Variants in LRRC58 observed in about 807,000 individuals in gnomAD.
LRRC58 encodes the protein leucine-rich repeat-containing protein 58.
In LRRC58, 18 loss-of-function variants were observed where a neutral mutation model predicts 30.6. That is an observed-to-expected ratio of 0.59 (90% CI 0.41 to 0.87). The LOEUF is 0.87. LRRC58 is among the 40% of genes least tolerant of loss of function. The pLI is 0.00. For missense variants in LRRC58, 420 were observed against 468.4 expected (o/e 0.90, Z 0.95); for synonymous variants, 221 against 206.0 (o/e 1.07, Z -0.62).
rs1437352431 is a variant in LRRC58 at position 120,327,427 on chromosome 3, T to G, written c.*3773A>C. On this transcript the variant is annotated 3_prime_UTR_variant, in exon 4 of 4. Transcript: ENST00000295628. Reference sequence around the variant, plus strand: ...CCATCACGCCCGGCTAATTTTTTTTTGTATTTTTAGTAGAGACGGGGTTTC... The same window carrying G: ...CCATCACGCCCGGCTAATTTTTTTTGGTATTTTTAGTAGAGACGGGGTTTC... 6.6e-6 allele frequency: 1 copy of G among 151,056 alleles called. No homozygotes were observed. Among genetic ancestry groups the G allele is most frequent in the Non-Finnish European group, 1.5e-5 (1 of 67,826 alleles). The allele number at this position is 151,056 out of a possible 1,614,324, so 9.4% of individuals were successfully genotyped here.
At chr3:120,348,206 A>T (rs1935999446) in intron 1 of LRRC58, among the ~76,000 whole-genome samples, 1 of 152,244 alleles carries the variant, frequency 6.6e-6, no homozygotes, top group Non-Finnish European at 1.5e-5. Context: ...TCCATTCAAC[A>T]CATACTGAGT....
rs1038219484 is a variant in LRRC58 at position 120,328,972 on chromosome 3, G to C, written c.*2228C>G. On this transcript the variant is annotated 3_prime_UTR_variant, in exon 4 of 4. Transcript: ENST00000295628. ...CAAAGGCCAGAAACTGTCTCTGGTT[G>C]GACCTATTTACATCTGTAAAAGATG... The C allele has an allele frequency of 2.0e-5, 3 of 152,080 alleles. No homozygotes were observed. Among genetic ancestry groups the C allele is most frequent in the African/African-American group, 7.2e-5 (3 of 41,410 alleles). 9.4% of individuals were successfully genotyped at this position (152,080 alleles called of 1,614,324 possible). A position where few individuals can be genotyped will look rare whatever the true frequency, so the allele number is the denominator to read the frequency against.
intron 1 of LRRC58, among the ~76,000 whole-genome samples, chr3:120,348,388 C>G (rs1271880906): frequency 1.3e-5 from 2 of 152,168 alleles, no homozygotes; most frequent in East Asian, 3.9e-4. Context: ...GTACTTTGAT[C>G]TATAGAGATG....
chr3:120,337,702 T>G (rs1372168685), intron 1 of LRRC58, among the ~76,000 whole-genome samples: 1 of 152,192 alleles, frequency 6.6e-6, no homozygotes, highest in Admixed American at 6.5e-5. Context: ...AAACATGATT[T>G]TCCTTCTTCC....
intron 1 of LRRC58, among the ~76,000 whole-genome samples, chr3:120,340,668 G>T (rs1363914442): frequency 2.6e-5 from 4 of 152,076 alleles, no homozygotes; most frequent in African/African-American, 9.7e-5. Flanking sequence ...GAGGTCACGA[G>T]TTCGAGACCA....
rs1235060701 is a variant in LRRC58, at chr3:120,349,071, G to A, written c.173C>T (p.Ser58Leu). The A allele has an allele frequency of 1.3e-6, 2 of 1,517,552 alleles. No individual in the cohort carries two copies. The highest frequency in any genetic ancestry group is 8.8e-7 in the Non-Finnish European group (1 of 1,141,288). The allele number at this position is 1,517,552 out of a possible 1,614,324, so 94.0% of individuals were successfully genotyped here. ...GCCGCTGCCCAGCGCCCGTGGCAGCGACACCAGACGGTTGTGAGGCAGCAG... is the reference window on the plus strand; with the variant it reads ...GCCGCTGCCCAGCGCCCGTGGCAGCAACACCAGACGGTTGTGAGGCAGCAG... ...RLLLPHNRLV[S>L]LPRALGSGFP... Residue 58 changes from serine to leucine, a missense_variant, in exon 1 of 4, where the codon TCG becomes TTG. Ser to Leu is a moderately radical substitution (Grantham distance 145). Around this residue, in one of 2 missense-constraint regions of LRRC58, gnomAD observed 266 missense variants for 251.7 expected, o/e 1.06. Coordinates refer to ENST00000295628, the MANE Select transcript of LRRC58 (RefSeq NM_001099678.2).
intron 2 of LRRC58, 108 bp downstream of exon 2, chr3:120,335,717 T>C (rs1039218337): frequency 2.0e-6 from 2 of 985,642 alleles, no homozygotes; most frequent in Non-Finnish European, 2.9e-6. Context: ...ATCACTTACT[T>C]TGAGAATATC....
At chr3:120,335,258 G>A in intron 2 of LRRC58, 119 bp from the exon 3 acceptor site, 2 of 815,120 alleles carry the variant, frequency 2.5e-6, no homozygotes, top group Non-Finnish European at 3.7e-6. Context: ...TAAGATTAAG[G>A]TCAATTGAAG....
chr3:120,341,807 G>A (rs916256679), intron 1 of LRRC58, among the ~76,000 whole-genome samples: 3 of 151,904 alleles, frequency 2.0e-5, no homozygotes, highest in African/African-American at 7.2e-5. Flanking sequence ...ACCTGCAGCT[G>A]CAGACCCAGG....
chr3:120,327,323 C>T lies in LRRC58; in HGVS notation c.*3877G>A, dbSNP rs1935693370. On this transcript the variant is annotated 3_prime_UTR_variant, in exon 4 of 4. Coordinates refer to ENST00000295628, the MANE Select transcript of LRRC58 (RefSeq NM_001099678.2). ...CGGGAGTGCAGTGGCGCAATCTCGG[C>T]TCACTGCAAGCTCCGCCTCCCGGGT... is the stretch of plus-strand genomic sequence containing the variant. 7.1e-6 allele frequency: 1 copy of T among 140,980 alleles called. No individual in the cohort carries two copies. The highest frequency in any genetic ancestry group is 1.5e-5 in the Non-Finnish European group (1 of 66,458). The allele number at this position is 140,980 out of a possible 1,614,324, so 8.7% of individuals were successfully genotyped here.
intron 1 of LRRC58, among the ~76,000 whole-genome samples, chr3:120,346,789 T>C (rs1400356289): frequency 1.3e-5 from 2 of 152,194 alleles, no homozygotes; most frequent in Non-Finnish European, 2.9e-5. Context: ...CTCATCCTAT[T>C]ACAATGACCT....
chr3:120,346,040 G>A (rs1388855991), intron 1 of LRRC58, among the ~76,000 whole-genome samples: 1 of 152,144 alleles, frequency 6.6e-6, no homozygotes, highest in Non-Finnish European at 1.5e-5. Context: ...ATCACTTGAG[G>A]TCAGAAGTTT....
At position 120,349,057 on chromosome 3, in the gene LRRC58, G is replaced by C; in HGVS notation, c.187C>G (p.Leu63Val). 1 of 1,518,140 alleles carries C rather than the reference G, an allele frequency of 6.6e-7. No homozygotes were observed. Among genetic ancestry groups the C allele is most frequent in the African/African-American group, 1.4e-5 (1 of 69,876 alleles). 94.0% of individuals were successfully genotyped at this position (1,518,140 alleles called of 1,614,324 possible). A position where few individuals can be genotyped will look rare whatever the true frequency, so the allele number is the denominator to read the frequency against. ...TGGAGGTGCGGGAAGCCGCTGCCCA[G>C]CGCCCGTGGCAGCGACACCAGACGG... Reference protein sequence around the residue: ...HNRLVSLPRALGSGFPHLQLL... With the variant: ...HNRLVSLPRAVGSGFPHLQLL... The change falls in exon 1 of 4, where the codon CTG becomes GTG. Residue 63 changes from leucine (L) to valine (V), a missense_variant. Leu to Val is a conservative substitution (Grantham distance 32). This residue lies in a region of LRRC58 where 266 missense variants were observed against 251.7 expected (regional missense o/e 1.06). Transcript: ENST00000295628.
At chr3:120,333,393 G>A (rs1413466359) in intron 3 of LRRC58, among the ~76,000 whole-genome samples, 1 of 152,238 alleles carries the variant, frequency 6.6e-6, no homozygotes, top group Non-Finnish European at 1.5e-5. Context: ...CTCTGTCACT[G>A]TGAAAGCTAA....
rs879685808 is a variant in LRRC58 at position 120,330,934 on chromosome 3, A to G, written c.*266T>C. 4.5e-6 allele frequency: 2 copies of G among 440,210 alleles called. No homozygotes were observed. The highest frequency in any genetic ancestry group is 8.3e-6 in the Non-Finnish European group (2 of 239,866). The allele number at this position is 440,210 out of a possible 1,614,324, so 27.3% of individuals were successfully genotyped here. On this transcript the variant is annotated 3_prime_UTR_variant, in exon 4 of 4. Coordinates refer to ENST00000295628, the MANE Select transcript of LRRC58 (RefSeq NM_001099678.2). ...TCAAAAGGTACCATTCTGCTTTGTG[A>G]TTCATGCAAAACTTGAGTGAAAACT...
intron 1 of LRRC58, among the ~76,000 whole-genome samples, chr3:120,339,354 AT>A (rs1935874520): frequency 6.6e-6 from 1 of 152,110 alleles, no homozygotes; most frequent in African/African-American, 2.4e-5. Context: ...AATTTATTTT[AT>A]TTCCAATCAG....
At position 120,347,516 on chromosome 3, in the gene LRRC58, C is replaced by T. The variant is rs373667188; in HGVS notation, c.500+1228G>A. Among the ~76,000 whole-genome samples, 20 of 149,384 alleles carry T rather than the reference C, an allele frequency of 1.3e-4. No homozygotes were observed. The East Asian group carries it at 1.6e-3, about 12-fold the overall frequency. On this transcript the variant is annotated intron_variant, in intron 1 of 3. Transcript: ENST00000295628. ...ACGCCATTCTCCTGCCTCAGCCTCCCGAGTAGCTGGGACTACAGGCGCCCG... is the reference window on the plus strand; with the variant it reads ...ACGCCATTCTCCTGCCTCAGCCTCCTGAGTAGCTGGGACTACAGGCGCCCG...
In LRRC58 at chr3:120,329,909, T is replaced by G. The variant is rs1039758032; in HGVS notation, c.*1291A>C. On this transcript the variant is annotated 3_prime_UTR_variant, in exon 4 of 4. Transcript: ENST00000295628. ...TACTTAATAAAAATTTGGTAATTTC[T>G]AATAGCAATTAATTTGTGAAACTAT... 1 of 152,036 alleles carries G rather than the reference T, an allele frequency of 6.6e-6. No homozygotes were observed. Among genetic ancestry groups the G allele is most frequent in the Non-Finnish European group, 1.5e-5 (1 of 67,912 alleles). The allele number at this position is 152,036 out of a possible 1,614,324, so 9.4% of individuals were successfully genotyped here.
chr3:120,331,822 A>C (rs1935761493), intron 3 of LRRC58, among the ~76,000 whole-genome samples: 1 of 152,228 alleles, frequency 6.6e-6, no homozygotes, highest in African/African-American at 2.4e-5. Context: ...TTAAAGAATT[A>C]GTATACGAAA....
Sources: gnomAD v4.1 joint callset for allele counts (sites outside exome capture counted in the v4.1 genomes callset) on GRCh38, gnomAD v4.1.1 for gene constraint, gnomAD v4.1.1 regional missense constraint, MANE v1.5 for transcripts, NCBI Gene and HGNC (gene_info 2026-07-23, HGNC 2026-07-21) for gene names.